Variants in SUGCT observed in about 807,000 individuals in gnomAD.
SUGCT encodes succinyl-CoA:glutarate CoA-transferase.
In SUGCT, 41 loss-of-function variants were observed where a neutral mutation model predicts 55.0. That is an observed-to-expected ratio of 0.74 (90% CI 0.58 to 0.97). The LOEUF is 0.97. Among genes scored for constraint, SUGCT ranks in the 50% least tolerant of loss-of-function variants. The pLI is 0.00. For synonymous variants in SUGCT, 187 were observed against 200.4 expected (o/e 0.93, Z 0.56); for missense variants, 568 against 547.8 (o/e 1.04, Z -0.37).
the SUGCT span, among the ~76,000 whole-genome samples, chr7:40,934,316 A>G: frequency 1.3e-5 from 2 of 152,080 alleles, no homozygotes; most frequent in Admixed American, 6.5e-5. Flanking sequence ...TGGAAGCTTC[A>G]TCCCAGAGGG....
chr7:40,326,998 G>C (rs1796055048), intron 9 of SUGCT, among the ~76,000 whole-genome samples: 1 of 152,190 alleles, frequency 6.6e-6, no homozygotes. Context: ...AATATTTGGA[G>C]ATTTATTGGG....
At chr7:40,170,644 T>C (rs1206808036) in intron 1 of SUGCT, among the ~76,000 whole-genome samples, 2 of 152,148 alleles carry the variant, frequency 1.3e-5, no homozygotes, top group African/African-American at 4.8e-5. Context: ...ATCGGATTAG[T>C]TACGCTCACC....
At chr7:40,617,386 CT>C (rs1282414427) in intron 12 of SUGCT, among the ~76,000 whole-genome samples, 1 of 151,610 alleles carries the variant, frequency 6.6e-6, no homozygotes, top group African/African-American at 2.4e-5. Flanking sequence ...GAAATGTCTC[CT>C]TTTGACATAT....
chr7:40,271,620 C>T (rs1266558550), intron 7 of SUGCT, among the ~76,000 whole-genome samples: 1 of 152,016 alleles, frequency 6.6e-6, no homozygotes, highest in East Asian at 1.9e-4. Flanking sequence ...TTAATATAAT[C>T]AGATCAGGGC....
chr7:40,425,946 A>G (rs781073594), intron 9 of SUGCT, among the ~76,000 whole-genome samples: 18 of 152,188 alleles, frequency 1.2e-4, no homozygotes, highest in Admixed American at 3.9e-4. Flanking sequence ...CAGTAAATTT[A>G]TAATAATACA....
intron 6 of SUGCT, among the ~76,000 whole-genome samples, chr7:40,219,327 A>G (rs895051502): frequency 1.1e-4 from 16 of 152,182 alleles, no homozygotes; most frequent in African/African-American, 3.6e-4. Flanking sequence ...GAGACCAAGA[A>G]CCCACCAATT....
the SUGCT span, among the ~76,000 whole-genome samples, chr7:41,020,565 C>G: frequency 2.6e-5 from 4 of 152,280 alleles, no homozygotes; most frequent in East Asian, 7.7e-4. Flanking sequence ...AGATGCCATT[C>G]TAACTCATTC....
intron 13 of SUGCT, among the ~76,000 whole-genome samples, chr7:40,773,387 C>G (rs1789282605): frequency 6.6e-6 from 1 of 152,130 alleles, no homozygotes; most frequent in Admixed American, 6.5e-5. Context: ...CCTTGGCCTC[C>G]CAAAATGCTG....
chr7:40,267,950 A>G (rs533644198), intron 7 of SUGCT, among the ~76,000 whole-genome samples: 55 of 152,318 alleles, frequency 3.6e-4, no homozygotes, highest in African/African-American at 1.3e-3. Flanking sequence ...AACTTCATTG[A>G]AATAAAACAA....
At chr7:40,337,155 T>A (rs951122426) in intron 9 of SUGCT, among the ~76,000 whole-genome samples, 7 of 152,132 alleles carry the variant, frequency 4.6e-5, no homozygotes, top group African/African-American at 7.2e-5. Context: ...TGCTGAGGAG[T>A]GCTTTACTTC....
At chr7:40,869,112 C>T in the SUGCT span, among the ~76,000 whole-genome samples, 1 of 152,148 alleles carries the variant, frequency 6.6e-6, no homozygotes, top group Admixed American at 6.5e-5. Context: ...CCAAGATTCC[C>T]AGCCACACAC....
intron 9 of SUGCT, among the ~76,000 whole-genome samples, chr7:40,341,827 G>A (rs1177495090): frequency 5.9e-5 from 9 of 152,200 alleles, no homozygotes; most frequent in Admixed American, 5.9e-4. Context: ...ATGCTGGAAG[G>A]TTCTGAAAAC....
At chr7:40,330,090 A>G (rs2151144548) in intron 9 of SUGCT, among the ~76,000 whole-genome samples, 1 of 152,308 alleles carries the variant, frequency 6.6e-6, no homozygotes, top group African/African-American at 2.4e-5. Flanking sequence ...GAGCACAGCA[A>G]CACAGAATAA....
chr7:40,994,929 C>T, the SUGCT span, among the ~76,000 whole-genome samples: 1 of 152,088 alleles, frequency 6.6e-6, no homozygotes, highest in Non-Finnish European at 1.5e-5. Context: ...TCCTTGAGGC[C>T]CTCACCAGAA....
chr7:40,504,816 C>A (rs537620183), intron 12 of SUGCT, among the ~76,000 whole-genome samples: 9 of 152,250 alleles, frequency 5.9e-5, no homozygotes, highest in African/African-American at 2.2e-4. Flanking sequence ...TGCTCAAAAT[C>A]AATTCACCAT....
At chr7:40,757,234 C>T (rs1260760884) in intron 13 of SUGCT, among the ~76,000 whole-genome samples, 1 of 152,104 alleles carries the variant, frequency 6.6e-6, no homozygotes, top group Non-Finnish European at 1.5e-5. Context: ...GAATTGCATC[C>T]CCAGGAATGT....
chr7:40,566,624 A>G (rs1796169516), intron 12 of SUGCT, among the ~76,000 whole-genome samples: 1 of 152,212 alleles, frequency 6.6e-6, no homozygotes, highest in South Asian at 2.1e-4. Context: ...AAAAATCTTT[A>G]TTATGTTAAA....
intron 6 of SUGCT, among the ~76,000 whole-genome samples, chr7:40,228,290 T>C (rs913215563): frequency 1.4e-4 from 21 of 152,184 alleles, no homozygotes; most frequent in African/African-American, 5.1e-4. Context: ...GTAATTTGAA[T>C]TGGGATCCGA....
intron 12 of SUGCT, among the ~76,000 whole-genome samples, chr7:40,517,358 C>T (rs1355131988): frequency 1.3e-5 from 2 of 151,550 alleles, no homozygotes; most frequent in Non-Finnish European, 2.9e-5. Flanking sequence ...TTCTTGATCT[C>T]CCTGGATAGG....
Sources: gnomAD v4.1 joint callset for allele counts (sites outside exome capture counted in the v4.1 genomes callset) on GRCh38, gnomAD v4.1.1 for gene constraint, MANE v1.5 for transcripts, NCBI Gene and HGNC (gene_info 2026-07-23, HGNC 2026-07-21) for gene names.